SKOR2: variants seen among roughly 807,000 people sequenced by gnomAD.
SKOR2 encodes LBX1 corepressor 1-like protein.
In SKOR2, 47 loss-of-function variants were observed where a neutral mutation model predicts 69.1. The observed-to-expected ratio is 0.68, with a 90% CI of 0.54 to 0.87. SKOR2 has a LOEUF of 0.87. Ranked by LOEUF, SKOR2 falls within the 40% of genes least tolerant of loss-of-function variation. The pLI is 0.00. For missense variants in SKOR2, 1,404 were observed against 1,472.2 expected (o/e 0.95, Z 0.76); for synonymous variants, 717 against 672.6 (o/e 1.07, Z -1.02).
chr18:47,249,845 A>ATTAT (rs1215155115), intron 1 of SKOR2, among the ~76,000 whole-genome samples: 1 of 152,202 alleles, frequency 6.6e-6, no homozygotes, highest in Non-Finnish European at 1.5e-5. Flanking sequence ...TGTAATTAGA[A>ATTAT]TTATTTTTTT....
intron 6 of SKOR2, among the ~76,000 whole-genome samples, chr18:47,222,113 G>T (rs981372881): frequency 6.6e-6 from 1 of 152,112 alleles, no homozygotes; most frequent in Non-Finnish European, 1.5e-5. Context: ...TTGAGCCCAG[G>T]AGTTTGAGAC....
intron 4 of SKOR2, among the ~76,000 whole-genome samples, chr18:47,237,545 AAT>A (rs775890478): frequency 2.6e-5 from 4 of 152,220 alleles, no homozygotes; most frequent in Non-Finnish European, 4.4e-5. Context: ...AGAGCATTTA[AAT>A]ATTGTGTCCT....
Position 47,246,846 on chromosome 18 carries a change from G to A in SKOR2, c.2338C>T (p.Pro780Ser). Residue 780 changes from proline (P) to serine (S), a missense_variant, in exon 2 of 9, where the codon CCC becomes TCC. By Grantham distance (74) the Pro-to-Ser change is moderately conservative. Transcript: ENST00000425639. The stretch of plus-strand genomic sequence containing the variant: ...AGGAACCGGCCGCCCCCGACTAAGG[G>A]GTCGCCGAGTAGGACCTCCGTCTCC... ...DEETEVLLGD[P>S]LVGGGRFLQG... is the part of the protein sequence containing the mutation. 6.8e-7 allele frequency: 1 copy of A among 1,480,364 alleles called. No individual in the cohort carries two copies. The highest frequency in any genetic ancestry group is 8.9e-7 in the Non-Finnish European group (1 of 1,121,172). The allele number at this position is 1,480,364 out of a possible 1,614,324, so 91.7% of individuals were successfully genotyped here.
In SKOR2 at chr18:47,251,411, G is replaced by C. The variant is rs1345428075; in HGVS notation, c.-85C>G. On this transcript the variant is annotated 5_prime_UTR_variant, in exon 1 of 9. Transcript: ENST00000425639. ...GGGTGTCTTTAGGCGTGTGGCTGCC[G>C]GCCCATCTTCCGAGGGCGCTCGGAG... The C allele has an allele frequency of 1.3e-5, 2 of 152,230 alleles. No homozygotes were observed. Among genetic ancestry groups the C allele is most frequent in the Non-Finnish European group, 2.9e-5 (2 of 68,088 alleles). The allele number at this position is 152,230 out of a possible 1,614,324, so 9.4% of individuals were successfully genotyped here. A position where few individuals can be genotyped will look rare whatever the true frequency, so the allele number is the denominator to read the frequency against.
At chr18:47,237,799 C>A (rs915335269) in intron 4 of SKOR2, among the ~76,000 whole-genome samples, 1 of 151,012 alleles carries the variant, frequency 6.6e-6, no homozygotes, top group Non-Finnish European at 1.5e-5. Flanking sequence ...TGGGCTCATG[C>A]GATCCTCCCA....
intron 8 of SKOR2, among the ~76,000 whole-genome samples, chr18:47,207,907 A>G (rs574842570): frequency 2.9e-4 from 44 of 152,342 alleles, no homozygotes; most frequent in Non-Finnish European, 5.6e-4. Context: ...ATGCAGACAT[A>G]AGGCAAAAAT....
chr18:47,236,674 C>T (rs117132538), intron 4 of SKOR2, among the ~76,000 whole-genome samples: 1,786 of 152,288 alleles, frequency 0.012, 17 homozygotes, highest in Non-Finnish European at 0.02. Flanking sequence ...AGGAAGAGAG[C>T]TCCCTCACCA....
At chr18:47,230,795 A>G in intron 5 of SKOR2, 140 bp downstream of exon 5, 1 of 806,846 alleles carries the variant, frequency 1.2e-6, no homozygotes, top group Non-Finnish European at 1.9e-6. Context: ...AATCTCAATT[A>G]TATCCACCCA....
intron 8 of SKOR2, among the ~76,000 whole-genome samples, chr18:47,209,343 C>G (rs2064121398): frequency 6.6e-6 from 1 of 152,118 alleles, no homozygotes; most frequent in Non-Finnish European, 1.5e-5. Flanking sequence ...AATTTGGAAA[C>G]CTGTGGTCAC....
chr18:47,210,446 A>T (rs2064124611), intron 8 of SKOR2, among the ~76,000 whole-genome samples: 4 of 152,222 alleles, frequency 2.6e-5, no homozygotes, highest in Admixed American at 2.6e-4. Context: ...TTGAATAAGA[A>T]GGTTATTTTT....
Position 47,247,651 on chromosome 18 carries a change from C to A in SKOR2, c.1533G>T (p.Leu511=). The change falls in exon 2 of 9, where the codon CTG becomes CTT. Residue 511 remains leucine, a synonymous_variant. Transcript: ENST00000425639. The surrounding 1 kb of genome is among the most constrained non-coding windows in gnomAD (Gnocchi z 6.6). ...CAGCACCGCCTGGCTCAGCCAGGTC[C>A]AGGAAGGCCTGGCGCAGCAGGGCCG... ...ESPALLRQAF[L]DLAEPGGAAG... 1 of 1,363,556 alleles carries A rather than the reference C, an allele frequency of 7.3e-7. No individual in the cohort carries two copies. The highest frequency in any genetic ancestry group is 3.3e-5 in the Admixed American group (1 of 30,062). 84.5% of individuals were successfully genotyped at this position (1,363,556 alleles called of 1,614,324 possible). A position where few individuals can be genotyped will look rare whatever the true frequency, so the allele number is the denominator to read the frequency against.
At chr18:47,226,907 T>G (rs2064180603) in intron 6 of SKOR2, among the ~76,000 whole-genome samples, 1 of 152,152 alleles carries the variant, frequency 6.6e-6, no homozygotes, top group South Asian at 2.1e-4. Flanking sequence ...AGTAGAGCAG[T>G]CAGCATCCAC....
At chr18:47,232,285 C>A (rs180803085) in intron 4 of SKOR2, among the ~76,000 whole-genome samples, 1 of 152,134 alleles carries the variant, frequency 6.6e-6, no homozygotes, top group African/African-American at 2.4e-5. Context: ...AACTATATTG[C>A]GCATAAAGGT....
Position 47,247,011 on chromosome 18 carries a change from A to C in SKOR2, c.2173T>G (p.Cys725Gly). Residue 725 changes from cysteine to glycine, a missense_variant, in exon 2 of 9, where the codon TGC becomes GGC. Coordinates refer to ENST00000425639, the MANE Select transcript of SKOR2 (RefSeq NM_001278063.4). This position sits in a 1 kb window ranked among gnomAD's most constrained non-coding sequence, Gnocchi z 6.6. Reference protein sequence around the residue: ...GLLSPGGTSCCYPSEDSSEDE... With the variant: ...GLLSPGGTSCGYPSEDSSEDE... ...TCGGAGCTGTCCTCGCTGGGGTAGC[A>C]GCAGCTGGTTCCCCCGGGAGACAGA... 1.3e-6 allele frequency: 2 copies of C among 1,487,650 alleles called. No homozygotes were observed. Among genetic ancestry groups the C allele is most frequent in the Non-Finnish European group, 1.8e-6 (2 of 1,124,778 alleles). 92.2% of individuals were successfully genotyped at this position (1,487,650 alleles called of 1,614,324 possible).
chr18:47,226,212 T>G (rs1020861208), intron 6 of SKOR2, among the ~76,000 whole-genome samples: 1 of 151,928 alleles, frequency 6.6e-6, no homozygotes, highest in African/African-American at 2.4e-5. Context: ...AGGCATAGGG[T>G]GCTGGAGGAA....
At chr18:47,244,595 C>A (rs1239868871) in intron 4 of SKOR2, among the ~76,000 whole-genome samples, 2 of 152,046 alleles carry the variant, frequency 1.3e-5, no homozygotes, top group Non-Finnish European at 2.9e-5. Flanking sequence ...ATATTAAAAG[C>A]AATAAGCTGT....
At chr18:47,211,592 G>A (rs1429661798) in intron 8 of SKOR2, among the ~76,000 whole-genome samples, 1 of 152,138 alleles carries the variant, frequency 6.6e-6, no homozygotes, top group Non-Finnish European at 1.5e-5. Flanking sequence ...ACTATTATTG[G>A]TTTAGGGAAA....
intron 4 of SKOR2, among the ~76,000 whole-genome samples, chr18:47,235,730 A>G (rs2064219434): frequency 6.8e-6 from 1 of 147,894 alleles, no homozygotes; most frequent in Non-Finnish European, 1.5e-5. Flanking sequence ...AGATATGAGC[A>G]GTAAATAGCA....
Position 47,248,160 on chromosome 18 carries a change from A to C in SKOR2, c.1024T>G (p.Ser342Ala), listed in dbSNP as rs1425122884. 8.0e-7 allele frequency: 1 copy of C among 1,253,124 alleles called. No homozygotes were observed. The highest frequency in any genetic ancestry group is 4.3e-5 in the Admixed American group (1 of 23,234). 77.6% of individuals were successfully genotyped at this position (1,253,124 alleles called of 1,614,324 possible). ...AAASLSVAAA[S>A]GGAGTGGGGA... The stretch of plus-strand genomic sequence containing the variant: ...CCCCCACCAGTCCCCGCGCCGCCCG[A>C]AGCAGCAGCCACAGAGAGGCTGGCG... The change falls in exon 2 of 9, where the codon TCG becomes GCG. Residue 342 changes from serine to alanine, a missense_variant. By Grantham distance (99) the Ser-to-Ala change is moderately conservative. Coordinates refer to ENST00000425639, the MANE Select transcript of SKOR2 (RefSeq NM_001278063.4). This position sits in a 1 kb window ranked among gnomAD's most constrained non-coding sequence, Gnocchi z 6.4.
Sources: allele counts gnomAD v4.1 joint callset (sites outside exome capture counted in the v4.1 genomes callset), GRCh38; gene constraint gnomAD v4.1.1; non-coding constraint Gnocchi (gnomAD v3.1); transcripts MANE v1.5; gene names NCBI Gene and HGNC (gene_info 2026-07-23, HGNC 2026-07-21).